The following SEMA4D variants were observed in gnomAD, a reference collection of about 807,000 sequenced individuals.
SEMA4D encodes the protein semaphorin-4D.
In SEMA4D, 22 loss-of-function variants were observed where a neutral mutation model predicts 74.8. The observed-to-expected ratio is 0.29, with a 90% CI of 0.21 to 0.42. SEMA4D has a LOEUF of 0.42. Among genes scored for constraint, SEMA4D ranks in the 10% least tolerant of loss-of-function variants. SEMA4D has a pLI of 1.00. For synonymous variants in SEMA4D, 445 were observed against 463.7 expected (o/e 0.96, Z 0.52); for missense variants, 937 against 1,118.4 (o/e 0.84, Z 2.31).
chr9:89,394,048 T>G (rs1408189500), intron 6 of SEMA4D, among the ~76,000 whole-genome samples: 1 of 152,198 alleles, frequency 6.6e-6, no homozygotes, highest in Admixed American at 6.5e-5. Flanking sequence ...AAAGACGGCA[T>G]TCTAAGCAGC....
At chr9:89,471,877 G>A (rs1860407693) in intron 1 of SEMA4D, among the ~76,000 whole-genome samples, 1 of 144,228 alleles carries the variant, frequency 6.9e-6, no homozygotes, top group African/African-American at 2.6e-5. Context: ...TATAGGTTGA[G>A]GTGCAAGCCA....
chr9:89,472,547 G>A (rs762272684), intron 1 of SEMA4D: 5 of 249,526 alleles, frequency 2.0e-5, no homozygotes, highest in African/African-American at 1.1e-4. Flanking sequence ...GGACCCAAGA[G>A]CCAAATCACC....
At chr9:89,376,215 T>C (rs1835765519), downstream of SEMA4D, among the ~76,000 whole-genome samples, 1 of 152,200 alleles carries the variant, frequency 6.6e-6, no homozygotes, top group African/African-American at 2.4e-5. Context: ...ATACCACGTA[T>C]ATCAACCTCC....
intron 2 of SEMA4D, among the ~76,000 whole-genome samples, chr9:89,426,210 G>A (rs927181616): frequency 2.0e-5 from 3 of 152,230 alleles, no homozygotes; most frequent in South Asian, 2.1e-4. Flanking sequence ...GTTCTGCCAC[G>A]GTGCAGGCAC....
chr9:89,406,956 C>A (rs1843443849), intron 2 of SEMA4D, among the ~76,000 whole-genome samples: 2 of 149,612 alleles, frequency 1.3e-5, no homozygotes, highest in South Asian at 4.4e-4. Flanking sequence ...CTACCTCTAA[C>A]CCCACCCCCA....
chr9:89,387,075 T>G lies in SEMA4D; in HGVS notation c.1330+311A>C, dbSNP rs377073584. The G allele has an allele frequency of 5.9e-4, 188 of 317,494 alleles. No individual in the cohort carries two copies. The East Asian group carries it at 0.011, about 18-fold the overall frequency. The allele number at this position is 317,494 out of a possible 1,614,324, so 19.7% of individuals were successfully genotyped here. A position where few individuals can be genotyped will look rare whatever the true frequency, so the allele number is the denominator to read the frequency against. On this transcript the variant is annotated intron_variant, in intron 12 of 15. Transcript: ENST00000422704. ...CGCCTCCTCCCAGGTGGCTCACACC[T>G]GCCCCCTGCGTGGGCACTGCCCCAA... is the stretch of plus-strand genomic sequence containing the variant.
chr9:89,371,120 TG>T (rs1834599005), intron 16 of SEMA4D, among the ~76,000 whole-genome samples: 2 of 28,820 alleles, frequency 6.9e-5, no homozygotes, highest in African/African-American at 1.5e-4. Flanking sequence ...TGGGGGGGTG[TG>T]GTGTGTATGT....
At position 89,484,491 on chromosome 9, in the gene SEMA4D, C is replaced by T. The variant is rs1407551805; in HGVS notation, c.-310+13428G>A. Among the ~76,000 whole-genome samples, 1 of 146,504 alleles carries T rather than the reference C, an allele frequency of 6.8e-6. No homozygotes were observed. The highest frequency in any genetic ancestry group is 2.1e-4 in the East Asian group (1 of 4,810). On this transcript the variant is annotated intron_variant, in intron 1 of 15. Coordinates refer to ENST00000422704, the MANE Select transcript of SEMA4D (RefSeq NM_001371194.2). This position sits in a 1 kb window ranked among gnomAD's most constrained non-coding sequence, Gnocchi z 4.1. ...TGTGTGGCATGGTATGTGTATGTAC[C>T]ACGTGGTGGGTTTGTGTAGTGTGTG...
Position 89,387,474 on chromosome 9 carries a change from G to C in SEMA4D, c.1242C>G (p.Ile414Met). ...VTPIDNRPRL[I>M]KKDVNYTQIV... ...TCTGGGTGTAGTTCACATCTTTCTT[G>C]ATTAACCTGGGCCTGTTGTCTATTG... is the stretch of plus-strand genomic sequence containing the variant. Residue 414 changes from isoleucine to methionine, a missense_variant, in exon 12 of 16, where the codon ATC becomes ATG. Ile to Met is a conservative substitution (Grantham distance 10). Transcript: ENST00000422704. 6.2e-7 allele frequency: 1 copy of C among 1,614,212 alleles called. No homozygotes were observed. Among genetic ancestry groups the C allele is most frequent in the Non-Finnish European group, 8.5e-7 (1 of 1,180,042 alleles).
chr9:89,364,539 C>T (rs992011828), intron 16 of SEMA4D: 4 of 170,790 alleles, frequency 2.3e-5, no homozygotes, highest in Admixed American at 1.1e-4. Flanking sequence ...TGCAGAATTA[C>T]ACTAGGACTG....
chr9:89,469,702 T>C (rs1859692448), intron 1 of SEMA4D, among the ~76,000 whole-genome samples: 1 of 152,244 alleles, frequency 6.6e-6, no homozygotes, highest in South Asian at 2.1e-4. Flanking sequence ...ATTTAAAAAA[T>C]TCAACATCCA....
In SEMA4D at chr9:89,403,563, A is replaced by G. The variant is rs142723638; in HGVS notation, c.107-547T>C. Among the ~76,000 whole-genome samples, 1,126 of 152,370 alleles carry G rather than the reference A, an allele frequency of 7.4e-3. 13 individuals carry two copies. Among genetic ancestry groups the G allele is most frequent in the African/African-American group, 0.026 (1,072 of 41,596 alleles). ...AGTGATCACCACCACAAACTTATAG[A>G]CAGAGAAACAAGTGACGTCTCTTTG... On this transcript the variant is annotated intron_variant, in intron 3 of 15. Coordinates refer to ENST00000422704, the MANE Select transcript of SEMA4D (RefSeq NM_001371194.2).
chr9:89,371,869 G>A (rs1208305573), intron 16 of SEMA4D, among the ~76,000 whole-genome samples: 1 of 73,330 alleles, frequency 1.4e-5, no homozygotes, highest in Non-Finnish European at 2.7e-5. Flanking sequence ...GTGTGTGTGG[G>A]GGGGTGTGAT....
At chr9:89,452,312 G>A (rs1854780097) in intron 2 of SEMA4D, among the ~76,000 whole-genome samples, 2 of 151,570 alleles carry the variant, frequency 1.3e-5, no homozygotes, top group Non-Finnish European at 2.9e-5. Context: ...CCAAGCAGCT[G>A]GGACTATAGG....
Position 89,431,163 on chromosome 9 carries a change from G to A in SEMA4D, c.-244+24725C>T, listed in dbSNP as rs1849194426. On this transcript the variant is annotated intron_variant, in intron 2 of 15. Coordinates refer to ENST00000422704, the MANE Select transcript of SEMA4D (RefSeq NM_001371194.2). ...AGCACTTAAGTGCAAGCTTACTCATGTAAAAAACCCAGTCATAAAAGGTCA... is the reference window on the plus strand; with the variant it reads ...AGCACTTAAGTGCAAGCTTACTCATATAAAAAACCCAGTCATAAAAGGTCA... Among the ~76,000 whole-genome samples, 4 of 152,246 alleles carry A rather than the reference G, an allele frequency of 2.6e-5. No individual in the cohort carries two copies. The South Asian group carries it at 8.3e-4, about 31-fold the overall frequency.
chr9:89,371,427 GGT>G (rs1205874321), intron 16 of SEMA4D, among the ~76,000 whole-genome samples: 1 of 120,254 alleles, frequency 8.3e-6, no homozygotes, highest in African/African-American at 3.1e-5. Flanking sequence ...GTGTGTCTGG[GGT>G]GTGTGTGTGG....
chr9:89,398,587 G>C (rs1366169170), intron 5 of SEMA4D, among the ~76,000 whole-genome samples: 1 of 152,212 alleles, frequency 6.6e-6, no homozygotes, highest in East Asian at 1.9e-4. Flanking sequence ...GAGGACAGCT[G>C]TCCCACACAA....
chr9:89,448,339 T>C (rs576574124), intron 2 of SEMA4D, among the ~76,000 whole-genome samples: 5 of 152,350 alleles, frequency 3.3e-5, no homozygotes, highest in African/African-American at 9.6e-5. Flanking sequence ...TGATCTCCTT[T>C]GGGGTCTGTC....
At chr9:89,371,292 GT>G (rs1451516218) in intron 16 of SEMA4D, among the ~76,000 whole-genome samples, 3 of 135,552 alleles carry the variant, frequency 2.2e-5, no homozygotes, top group Non-Finnish European at 3.2e-5. Context: ...GTGTGTGACG[GT>G]GTGTGTGTCT....
Sources: gnomAD v4.1 joint callset for allele counts (sites outside exome capture counted in the v4.1 genomes callset) on GRCh38, gnomAD v4.1.1 for gene constraint, Gnocchi (gnomAD v3.1) non-coding constraint, MANE v1.5 for transcripts, NCBI Gene and HGNC (gene_info 2026-07-23, HGNC 2026-07-21) for gene names.